Variants in ACER1 observed in about 807,000 individuals in gnomAD.
ACER1 encodes alkaline ceramidase 1.
In ACER1, 28 loss-of-function variants were observed where a neutral mutation model predicts 24.9. That is an observed-to-expected ratio of 1.13 (90% CI 0.83 to 1.54). The LOEUF (loss-of-function observed/expected upper bound fraction) is 1.54. Ranked by LOEUF, ACER1 falls within the 40% of genes most tolerant of loss-of-function variation. The probability of loss-of-function intolerance (pLI) is 0.00; values close to 1 mark genes in which losing one functional copy is unlikely to be tolerated. For synonymous variants in ACER1, 132 were observed against 131.4 expected, an observed-to-expected ratio of 1.00 and a Z score of -0.03; for missense variants, 352 against 349.3, an observed-to-expected ratio of 1.01 and a Z score of -0.06.
chr19:6,340,927 T>C, the ACER1 span, among the ~76,000 whole-genome samples: 1 of 152,060 alleles, frequency 6.6e-6, no homozygotes, highest in Non-Finnish European at 1.5e-5. Flanking sequence ...CTTACCTTTC[T>C]ACAGGTCAGG....
At chr19:6,348,165 C>A in the ACER1 span, among the ~76,000 whole-genome samples, 1 of 151,146 alleles carries the variant, frequency 6.6e-6, no homozygotes, top group Non-Finnish European at 1.5e-5. Flanking sequence ...TCTGAGGGGT[C>A]GTGGATAAAG....
chr19:6,349,446 AAAG>A, the ACER1 span, among the ~76,000 whole-genome samples: 1 of 135,922 alleles, frequency 7.4e-6, no homozygotes, highest in Non-Finnish European at 1.6e-5. Context: ...GGAAGGGAGG[AAAG>A]AAGGAAGGAA....
chr19:6,316,999 A>C (rs966360893), intron 1 of ACER1, among the ~76,000 whole-genome samples: 1 of 108,282 alleles, frequency 9.2e-6, no homozygotes, highest in Non-Finnish European at 1.8e-5. Flanking sequence ...TCTGAGATGG[A>C]GTCTCACTCT....
At chr19:6,338,081 C>CA (rs199592493), upstream of ACER1, among the ~76,000 whole-genome samples, 7,420 of 145,248 alleles carry the variant, frequency 0.051, 273 homozygotes, top group African/African-American at 0.11. Flanking sequence ...AACCCTGTCT[C>CA]AAAAAAAAAT....
the ACER1 span, among the ~76,000 whole-genome samples, chr19:6,356,722 T>TA: frequency 4.7e-3 from 662 of 141,718 alleles, 2 homozygotes; most frequent in African/African-American, 6.7e-3. Context: ...ATACTGCATG[T>TA]AAAAAAAAAA....
At chr19:6,337,314 A>C (rs1038482637), upstream of ACER1, among the ~76,000 whole-genome samples, 1 of 152,166 alleles carries the variant, frequency 6.6e-6, no homozygotes, top group Non-Finnish European at 1.5e-5. Flanking sequence ...AAAAGAAAAG[A>C]AAAGCCCTTC....
chr19:6,307,103 C>G (rs751767455), intron 5 of ACER1, 50 bp downstream of exon 5: 10 of 1,606,946 alleles, frequency 6.2e-6, no homozygotes, highest in African/African-American at 1.3e-5. Flanking sequence ...GCTTTGGCAT[C>G]TAAGATTCTC....
intron 3 of ACER1, 72 bp downstream of exon 3, chr19:6,312,077 T>C (rs1197496347): frequency 1.2e-5 from 18 of 1,546,216 alleles, no homozygotes; most frequent in Non-Finnish European, 1.5e-5. Context: ...CCCAGGGGAC[T>C]CAGGTGAGCT....
At chr19:6,340,846 G>A in the ACER1 span, among the ~76,000 whole-genome samples, 8 of 152,122 alleles carry the variant, frequency 5.3e-5, no homozygotes, top group Admixed American at 1.3e-4. Flanking sequence ...AAACAGAGGC[G>A]TGTGAGCTCT....
At chr19:6,332,282 T>C in intron 1 of ACER1, among the ~76,000 whole-genome samples, 1 of 147,510 alleles carries the variant, frequency 6.8e-6, no homozygotes, top group South Asian at 2.2e-4. Flanking sequence ...TTTTTTTTTT[T>C]TTTTTTGAGA....
the ACER1 span, among the ~76,000 whole-genome samples, chr19:6,352,340 ACTCT>A: frequency 6.6e-6 from 1 of 152,042 alleles, no homozygotes; most frequent in Non-Finnish European, 1.5e-5. Context: ...GCTTTTGCTA[ACTCT>A]CTCTGAAGTC....
intron 1 of ACER1, among the ~76,000 whole-genome samples, chr19:6,327,298 G>A (rs953372156): frequency 2.6e-5 from 4 of 152,176 alleles, no homozygotes; most frequent in Admixed American, 6.6e-5. Flanking sequence ...GGGGATGGTG[G>A]TGCACACCTA....
intron 4 of ACER1, among the ~76,000 whole-genome samples, chr19:6,308,011 A>C (rs902630832): frequency 6.6e-6 from 1 of 151,882 alleles, no homozygotes; most frequent in African/African-American, 2.4e-5. Flanking sequence ...TGAACCCAAG[A>C]GGCGGAGGTT....
At chr19:6,332,258 C>T (rs111533976) in intron 1 of ACER1, among the ~76,000 whole-genome samples, 28,131 of 144,996 alleles carry the variant, frequency 0.19, 3,814 homozygotes, top group East Asian at 0.37. Context: ...TGAGCCTCCG[C>T]GCCCGGCCTT....
chr19:6,307,634 A>AT (rs1356542466), intron 4 of ACER1, among the ~76,000 whole-genome samples: 1 of 150,852 alleles, frequency 6.6e-6, no homozygotes, highest in Non-Finnish European at 1.5e-5. Flanking sequence ...AAAAAAAAAA[A>AT]GTTAAAATTA....
chr19:6,309,845 A>C lies in ACER1; in HGVS notation c.351-11T>G. ...CGGATGAACTGGGACCTGGGGAGGA[A>C]GGGGCTCAGCTGTAGGCGGGAAGGG... On this transcript the variant is annotated splice_polypyrimidine_tract_variant and intron_variant, in intron 3 of 5. Transcript: ENST00000301452. 6.2e-7 allele frequency: 1 copy of C among 1,613,746 alleles called. No individual in the cohort carries two copies. The highest frequency in any genetic ancestry group is 8.5e-7 in the Non-Finnish European group (1 of 1,179,832).
In ACER1 at chr19:6,309,752, C is replaced by A; in HGVS notation, c.433G>T (p.Ala145Ser). Reference sequence around the variant, plus strand: ...ATGTGCAGGGCAATGCTGTTGAGGGCGTAGGCGTTGACCGTGGGCCGCAGG... The same window carrying A: ...ATGTGCAGGGCAATGCTGTTGAGGGAGTAGGCGTTGACCGTGGGCCGCAGG... ...SFLRPTVNAYALNSIALHILY... is the reference protein window; with the variant it reads ...SFLRPTVNAYSLNSIALHILY... Residue 145 changes from alanine (A) to serine (S), a missense_variant, in exon 4 of 6, where the codon GCC becomes TCC. Coordinates refer to ENST00000301452, the MANE Select transcript of ACER1 (RefSeq NM_133492.3). 1 of 1,614,016 alleles carries A rather than the reference C, an allele frequency of 6.2e-7. No individual in the cohort carries two copies. The highest frequency in any genetic ancestry group is 8.5e-7 in the Non-Finnish European group (1 of 1,179,978).
At chr19:6,355,691 C>A in the ACER1 span, among the ~76,000 whole-genome samples, 5 of 143,618 alleles carry the variant, frequency 3.5e-5, no homozygotes, top group African/African-American at 8.1e-5. Flanking sequence ...CCCGGCCACC[C>A]CTACTGGGAA....
chr19:6,335,156 AATATTAT>A (rs1224096094), upstream of ACER1, among the ~76,000 whole-genome samples: 2 of 145,304 alleles, frequency 1.4e-5, no homozygotes, highest in Non-Finnish European at 3.0e-5. Flanking sequence ...TATAATAATT[AATATTAT>A]ATATTATATA....
Sources: allele counts gnomAD v4.1 joint callset (sites outside exome capture counted in the v4.1 genomes callset), GRCh38; gene constraint gnomAD v4.1.1; transcripts MANE v1.5; gene names NCBI Gene and HGNC (gene_info 2026-07-23, HGNC 2026-07-21).